Variants in SLC35F3 observed in about 807,000 individuals in gnomAD.
SLC35F3 encodes the protein putative thiamine transporter SLC35F3.
A neutral mutation model predicts 49.9 loss-of-function variants in SLC35F3; 25 were observed. The ratio of observed to expected loss-of-function variants is 0.50; its 90% CI spans 0.37 to 0.70. The LOEUF (loss-of-function observed/expected upper bound fraction) is 0.70. Among genes scored for constraint, SLC35F3 ranks in the 30% least tolerant of loss-of-function variants. The pLI, the probability that SLC35F3 is intolerant of heterozygous loss-of-function variation, is 0.00. For missense variants in SLC35F3, 525 were observed against 639.8 expected (o/e 0.82, Z 1.94); for synonymous variants, 275 against 265.4 (o/e 1.04, Z -0.35).
chr1:234,323,323 A>AGG lies in SLC35F3; in HGVS notation c.*80_*81insGG. ...GGAACCTCAGTTGGGTAAGGTGTACATACCTGTACAGTTTTGGTCATCTGC... is the reference window on the plus strand; with the variant it reads ...GGAACCTCAGTTGGGTAAGGTGTACAGGTACCTGTACAGTTTTGGTCATCTGC... On this transcript the variant is annotated 3_prime_UTR_variant, in exon 8 of 8. Coordinates refer to ENST00000366618, the MANE Select transcript of SLC35F3 (RefSeq NM_173508.4). This position sits in a 1 kb window ranked among gnomAD's most constrained non-coding sequence, Gnocchi z 4.5. 3 of 1,238,488 alleles carry AGG rather than the reference A, an allele frequency of 2.4e-6. No homozygotes were observed. Among genetic ancestry groups the AGG allele is most frequent in the Non-Finnish European group, 3.4e-6 (3 of 876,516 alleles). The allele number at this position is 1,238,488 out of a possible 1,614,324, so 76.7% of individuals were successfully genotyped here. A position where few individuals can be genotyped will look rare whatever the true frequency, so the allele number is the denominator to read the frequency against.
chr1:233,962,053 G>T (rs1324390694), intron 2 of SLC35F3, among the ~76,000 whole-genome samples: 1 of 143,116 alleles, frequency 7.0e-6, no homozygotes, highest in Non-Finnish European at 1.5e-5. Flanking sequence ...CATTCTAAGA[G>T]TAGATATGAT....
intron 5 of SLC35F3, 116 bp downstream of exon 5, chr1:234,316,843 G>C: frequency 7.6e-7 from 1 of 1,310,954 alleles, no homozygotes; most frequent in South Asian, 1.5e-5. Flanking sequence ...TGTGCTTCAG[G>C]ACAGGCAGCT....
At chr1:234,311,156 C>A (rs543625496) in intron 4 of SLC35F3, among the ~76,000 whole-genome samples, 2 of 152,306 alleles carry the variant, frequency 1.3e-5, no homozygotes, top group African/African-American at 4.8e-5. Context: ...TATTCCTCTC[C>A]GAAGTGCATG....
At chr1:234,239,766 A>T (rs1383774436) in intron 3 of SLC35F3, among the ~76,000 whole-genome samples, 1 of 152,266 alleles carries the variant, frequency 6.6e-6, no homozygotes, top group Non-Finnish European at 1.5e-5. Context: ...GATGATAAGA[A>T]CATATGCTTG....
rs1283420052 is a variant in SLC35F3, at chr1:234,046,938, CTTAG to C, written c.283+141184_283+141187del. On this transcript the variant is annotated intron_variant, in intron 2 of 7. Transcript: ENST00000366618. The surrounding 1 kb of genome is among the most constrained non-coding windows in gnomAD (Gnocchi z 4.4). ...TCCCTGTAATTAAGTGCCACACAAC[CTTAG>C]TTACTCTAGCTGTACTATAAGTCTC... Among the ~76,000 whole-genome samples the C allele has an allele frequency of 7.9e-5, 12 of 152,160 alleles. No individual in the cohort carries two copies. The highest frequency in any genetic ancestry group is 2.9e-4 in the African/African-American group (12 of 41,448).
In SLC35F3 at chr1:234,098,841, TTGG is replaced by T. The variant is rs1334993882; in HGVS notation, c.284-132566_284-132564del. ...GGTCATGATGGAGGTGGTGACTATGTTGGTGGTGGTGGCAGTTCAGATGGCGGT... is the reference window on the plus strand; with the variant it reads ...GGTCATGATGGAGGTGGTGACTATGTTGGTGGTGGCAGTTCAGATGGCGGT... On this transcript the variant is annotated intron_variant, in intron 2 of 7. Transcript: ENST00000366618. Among the ~76,000 whole-genome samples, 13 of 108,958 alleles carry T rather than the reference TTGG, an allele frequency of 1.2e-4. No individual in the cohort carries two copies. The East Asian group carries it at 2.7e-3, about 22-fold the overall frequency. 71.5% of individuals were successfully genotyped at this position (108,958 alleles called of 152,430 possible).
chr1:234,323,527 T>A lies in SLC35F3; in HGVS notation c.*284T>A, dbSNP rs1181685811. On this transcript the variant is annotated 3_prime_UTR_variant, in exon 8 of 8. Coordinates refer to ENST00000366618, the MANE Select transcript of SLC35F3 (RefSeq NM_173508.4). The surrounding 1 kb of genome is among the most constrained non-coding windows in gnomAD (Gnocchi z 4.5). ...CGTAGATCGTTTTGGATGGCTGACG[T>A]TCTTGACAAGCCAGCCATCAGGGCA... 1 of 445,432 alleles carries A rather than the reference T, an allele frequency of 2.2e-6. No individual in the cohort carries two copies. The highest frequency in any genetic ancestry group is 4.0e-6 in the Non-Finnish European group (1 of 247,686). The allele number at this position is 445,432 out of a possible 1,614,324, so 27.6% of individuals were successfully genotyped here.
At chr1:234,316,169 A>T (rs1248201126) in intron 4 of SLC35F3, among the ~76,000 whole-genome samples, 3 of 152,230 alleles carry the variant, frequency 2.0e-5, no homozygotes, top group African/African-American at 7.2e-5. Context: ...GATATGAAAT[A>T]CATAAAAGCA....
Position 234,016,838 on chromosome 1 carries a change from T to G in SLC35F3, c.283+111080T>G, listed in dbSNP as rs1251319862. Among the ~76,000 whole-genome samples the G allele has an allele frequency of 2.0e-5, 3 of 152,346 alleles. No homozygotes were observed. The East Asian group carries it at 5.8e-4, about 29-fold the overall frequency. On this transcript the variant is annotated intron_variant, in intron 2 of 7. Transcript: ENST00000366618. ...ATTTAAGAAGCCCCGGTCTAAGGTTTGTGCCTTTGTTCGCTTACACCACTA... is the reference window on the plus strand; with the variant it reads ...ATTTAAGAAGCCCCGGTCTAAGGTTGGTGCCTTTGTTCGCTTACACCACTA...
intron 2 of SLC35F3, among the ~76,000 whole-genome samples, chr1:234,081,927 T>TTTTTTTTTTTTTTTC (rs1664883584): frequency 7.7e-6 from 1 of 129,936 alleles, no homozygotes; most frequent in African/African-American, 3.0e-5. Flanking sequence ...TTTTTTTTTT[T>TTTTTTTTTTTTTTTC]TTTTTTTTTA....
intron 2 of SLC35F3, among the ~76,000 whole-genome samples, chr1:234,174,611 G>C (rs929662281): frequency 6.6e-6 from 1 of 152,156 alleles, no homozygotes; most frequent in African/African-American, 2.4e-5. Flanking sequence ...GCTGAAACAG[G>C]TTCCACTCCA....
intron 2 of SLC35F3, among the ~76,000 whole-genome samples, chr1:234,197,087 G>A (rs1666825184): frequency 1.3e-5 from 2 of 152,196 alleles, no homozygotes; most frequent in African/African-American, 4.8e-5. Context: ...ATTTTAAAGG[G>A]TCTTGAGCAG....
At chr1:234,224,509 G>C (rs1361290237) in intron 2 of SLC35F3, among the ~76,000 whole-genome samples, 3 of 152,330 alleles carry the variant, frequency 2.0e-5, no homozygotes, top group African/African-American at 7.2e-5. Flanking sequence ...TCCTAGTGCA[G>C]GGTCCCATAC....
At chr1:234,190,260 A>G (rs1001713271) in intron 2 of SLC35F3, among the ~76,000 whole-genome samples, 15 of 152,210 alleles carry the variant, frequency 9.9e-5, no homozygotes, top group Non-Finnish European at 1.5e-4. Flanking sequence ...TGCTCTGCTT[A>G]AAAAATACAG....
At chr1:234,029,993 G>T (rs1272149772) in intron 2 of SLC35F3, among the ~76,000 whole-genome samples, 1 of 152,016 alleles carries the variant, frequency 6.6e-6, no homozygotes, top group Non-Finnish European at 1.5e-5. Context: ...GAGACGTTAG[G>T]TTCCTAAAGA....
chr1:234,198,093 T>C (rs985017093), intron 2 of SLC35F3, among the ~76,000 whole-genome samples: 2 of 152,192 alleles, frequency 1.3e-5, no homozygotes, highest in African/African-American at 2.4e-5. Context: ...GAGTCTCAAC[T>C]CTGCAGAGTG....
At chr1:233,942,714 A>G (rs1662448957) in intron 2 of SLC35F3, among the ~76,000 whole-genome samples, 1 of 152,232 alleles carries the variant, frequency 6.6e-6, no homozygotes, top group East Asian at 1.9e-4. Context: ...AGCCCAGACA[A>G]CATCTACCCT....
Position 233,922,452 on chromosome 1 carries a change from G to A in SLC35F3, c.283+16694G>A, listed in dbSNP as rs555319125. 3.0e-3 allele frequency among the ~76,000 whole-genome samples: 430 copies of A among 142,890 alleles called. 3 individuals are homozygous for A. Among genetic ancestry groups the A allele is most frequent in the South Asian group, 9.8e-3 (44 of 4,470 alleles). 93.7% of individuals were successfully genotyped at this position (142,890 alleles called of 152,430 possible). On this transcript the variant is annotated intron_variant, in intron 2 of 7. Coordinates refer to ENST00000366618, the MANE Select transcript of SLC35F3 (RefSeq NM_173508.4). ...GCATAAATGTCTTCTTTTGAGAAGT[G>A]TCTGTTCATATCTTTTGCCCACTTT...
intron 2 of SLC35F3, among the ~76,000 whole-genome samples, chr1:234,137,389 A>G (rs904415503): frequency 6.6e-6 from 1 of 152,224 alleles, no homozygotes; most frequent in African/African-American, 2.4e-5. Flanking sequence ...GGCATGAGAG[A>G]TAAGCATCAA....
Sources: gnomAD v4.1 joint callset for allele counts (sites outside exome capture counted in the v4.1 genomes callset) on GRCh38, gnomAD v4.1.1 for gene constraint, Gnocchi (gnomAD v3.1) non-coding constraint, MANE v1.5 for transcripts, NCBI Gene and HGNC (gene_info 2026-07-23, HGNC 2026-07-21) for gene names.